The following VAV3 variants were observed in gnomAD, a reference collection of about 807,000 sequenced individuals.
The protein encoded by VAV3 is guanine nucleotide exchange factor VAV3.
VAV3 carries 94 observed loss-of-function variants against 131.2 expected under a neutral mutation model. The ratio of observed to expected loss-of-function variants is 0.72; its 90% CI spans 0.61 to 0.85. VAV3 has a LOEUF of 0.85. Among genes scored for constraint, VAV3 ranks in the 40% least tolerant of loss-of-function variants. The pLI is 0.00. For missense variants in VAV3, 939 were observed against 1,002.7 expected (o/e 0.94, Z 0.86); for synonymous variants, 349 against 342.0 (o/e 1.02, Z -0.22).
At position 107,602,433 on chromosome 1, in the gene VAV3, A is replaced by T; in HGVS notation, c.2184T>A (p.Phe728Leu). 1 of 1,574,722 alleles carries T rather than the reference A, an allele frequency of 6.4e-7. No homozygotes were observed. Among genetic ancestry groups the T allele is most frequent in the Admixed American group, 2.0e-5 (1 of 50,386 alleles). ...TAAATTTTCTATTTTCTGCAATGTGAAAAAAGCCATCTCTTGTTAAAATCT... is the reference window on the plus strand; with the variant it reads ...TAAATTTTCTATTTTCTGCAATGTGTAAAAAGCCATCTCTTGTTAAAATCT... Reference protein sequence around the residue: ...HIKILTRDGFFHIAENRKFKS... With the variant: ...HIKILTRDGFLHIAENRKFKS... The change falls in exon 24 of 27, where the codon TTT becomes TTA. Residue 728 changes from phenylalanine to leucine, a missense_variant. Physicochemically the swap from Phe to Leu is conservative, Grantham distance 22 (BLOSUM62 0). Transcript: ENST00000370056.
intron 19 of VAV3, chr1:107,668,968 T>C: frequency 1.0e-6 from 1 of 992,152 alleles, no homozygotes; most frequent in Non-Finnish European, 1.2e-6. Context: ...TCTTTCGCGA[T>C]ACGGGTGTGG....
chr1:107,818,820 A>T (rs1667667793), intron 2 of VAV3, among the ~76,000 whole-genome samples: 1 of 152,190 alleles, frequency 6.6e-6, no homozygotes, highest in African/African-American at 2.4e-5. Context: ...TCCCCCCACC[A>T]GGTCCAGCCC....
chr1:107,606,959 T>C (rs200175624), intron 22 of VAV3, among the ~76,000 whole-genome samples: 1 of 1,214 alleles, frequency 8.2e-4, no homozygotes, highest in African/African-American at 5.7e-3. Flanking sequence ...GAGTCTGATC[T>C]TTTTTTTTTT....
intron 1 of VAV3, among the ~76,000 whole-genome samples, chr1:107,930,568 G>A (rs1016721852): frequency 2.6e-5 from 4 of 152,026 alleles, no homozygotes; most frequent in Non-Finnish European, 5.9e-5. Flanking sequence ...TTACCTAGTC[G>A]ATAAGAAAAG....
chr1:107,768,565 A>G lies in VAV3; in HGVS notation c.649-56T>C. The G allele has an allele frequency of 1.4e-6, 2 of 1,417,606 alleles. 1 individual carries two copies. 87.8% of individuals were successfully genotyped at this position (1,417,606 alleles called of 1,614,324 possible). A position where few individuals can be genotyped will look rare whatever the true frequency, so the allele number is the denominator to read the frequency against. On this transcript the variant is annotated intron_variant, in intron 6 of 26. Coordinates refer to ENST00000370056, the MANE Select transcript of VAV3 (RefSeq NM_006113.5). The stretch of plus-strand genomic sequence containing the variant: ...AAGTATAACTTGTCCTAATCTATAT[A>G]ATAGTTTTTCATCAACAAACAACAA...
intron 19 of VAV3, among the ~76,000 whole-genome samples, chr1:107,664,128 A>C (rs1190637251): frequency 1.3e-5 from 2 of 152,060 alleles, no homozygotes; most frequent in African/African-American, 2.4e-5. Flanking sequence ...CTATTACATA[A>C]TGTTTTCTAA....
chr1:107,776,566 G>A (rs1009133024), intron 4 of VAV3, among the ~76,000 whole-genome samples: 17 of 152,156 alleles, frequency 1.1e-4, no homozygotes, highest in Admixed American at 6.5e-5. Context: ...GGGTGTATGA[G>A]GAAGGATAGA....
chr1:107,903,924 C>T (rs1283062463), intron 1 of VAV3, among the ~76,000 whole-genome samples: 2 of 152,136 alleles, frequency 1.3e-5, no homozygotes, highest in Admixed American at 1.3e-4. Flanking sequence ...CCCTCTGCCG[C>T]CTGCCTCATA....
At chr1:107,786,557 G>C (rs1226189844) in intron 2 of VAV3, among the ~76,000 whole-genome samples, 1 of 152,172 alleles carries the variant, frequency 6.6e-6, no homozygotes, top group Non-Finnish European at 1.5e-5. Flanking sequence ...ATAGAAGAAT[G>C]TCCTATACTT....
At chr1:107,852,948 G>A (rs1041201024) in intron 2 of VAV3, among the ~76,000 whole-genome samples, 8 of 151,596 alleles carry the variant, frequency 5.3e-5, no homozygotes, top group African/African-American at 1.9e-4. Flanking sequence ...TATTTTCATA[G>A]GAAAGAAAAG....
rs144438163 is a variant in VAV3 at position 107,786,453 on chromosome 1, G to A, written c.322-6961C>T. On this transcript the variant is annotated intron_variant, in intron 2 of 26. Coordinates refer to ENST00000370056, the MANE Select transcript of VAV3 (RefSeq NM_006113.5). ...AAGATGATCAAGGCTCTGTGCCTTA[G>A]TTCCCTTACCTACGAAATTACAATT... Among the ~76,000 whole-genome samples the A allele has an allele frequency of 1.3e-4, 20 of 152,338 alleles. No individual in the cohort carries two copies. In the East Asian group the frequency reaches 2.3e-3, roughly 18 times the overall value.
At chr1:107,766,352 T>C (rs1419089757) in intron 8 of VAV3, 95 bp downstream of exon 8, 3 of 771,176 alleles carry the variant, frequency 3.9e-6, no homozygotes, top group South Asian at 1.8e-5. Context: ...AGTAATGTAA[T>C]AAACAGCAGT....
intron 26 of VAV3, among the ~76,000 whole-genome samples, chr1:107,573,684 C>T (rs1019699068): frequency 6.6e-6 from 1 of 152,172 alleles, no homozygotes; most frequent in Non-Finnish European, 1.5e-5. Context: ...GACAGAGGTA[C>T]TATGTCCCAT....
At position 107,766,258 on chromosome 1, in the gene VAV3, C is replaced by CT. The variant is rs571360755; in HGVS notation, c.821+188dup. Among the ~76,000 whole-genome samples, 16 of 152,132 alleles carry CT rather than the reference C, an allele frequency of 1.1e-4. No homozygotes were observed. The South Asian group carries it at 2.9e-3, about 28-fold the overall frequency. On this transcript the variant is annotated intron_variant, in intron 8 of 26. Transcript: ENST00000370056. ...CTTCCCCCTCCTCCTTCTTCTTCTTCTTTTTTTCTTTTTTAATTACATATA... is the reference window on the plus strand; with the variant it reads ...CTTCCCCCTCCTCCTTCTTCTTCTTCTTTTTTTTCTTTTTTAATTACATATA...
chr1:107,803,202 T>C (rs556700668), intron 2 of VAV3, among the ~76,000 whole-genome samples: 2 of 152,128 alleles, frequency 1.3e-5, no homozygotes, highest in Admixed American at 1.3e-4. Flanking sequence ...TTGTTTCTGA[T>C]TGTATTCATT....
chr1:107,710,631 T>G (rs141327582), intron 15 of VAV3, among the ~76,000 whole-genome samples: 143 of 152,308 alleles, frequency 9.4e-4, no homozygotes, highest in African/African-American at 3.4e-3. Flanking sequence ...CATCCTTCTA[T>G]TAACCTCTAT....
intron 1 of VAV3, among the ~76,000 whole-genome samples, chr1:107,934,595 C>G (rs1189595771): frequency 6.6e-6 from 1 of 152,058 alleles, no homozygotes; most frequent in African/African-American, 2.4e-5. Context: ...ATAGTTCTAA[C>G]CAAAAAAGTA....
At position 107,616,034 on chromosome 1, in the gene VAV3, C is replaced by T. The variant is rs145555574; in HGVS notation, c.1980+1533G>A. Among the ~76,000 whole-genome samples, 716 of 152,264 alleles carry T rather than the reference C, an allele frequency of 4.7e-3. 5 individuals carry two copies. Among genetic ancestry groups the T allele is most frequent in the African/African-American group, 0.016 (664 of 41,556 alleles). ...AAAGTAATTCAGCCTTTGTGGAAAGCAGTGTGACAATTTCTCAAGGAACTT... is the reference window on the plus strand; with the variant it reads ...AAAGTAATTCAGCCTTTGTGGAAAGTAGTGTGACAATTTCTCAAGGAACTT... On this transcript the variant is annotated intron_variant, in intron 21 of 26. Coordinates refer to ENST00000370056, the MANE Select transcript of VAV3 (RefSeq NM_006113.5).
chr1:107,581,063 C>T (rs1410403), intron 25 of VAV3, among the ~76,000 whole-genome samples: 111,883 of 152,150 alleles, frequency 0.74, 41,398 homozygotes, highest in Middle Eastern at 0.82. Context: ...ACATTATAGA[C>T]AACCTACCTG....
Sources: gnomAD v4.1 joint callset for allele counts (sites outside exome capture counted in the v4.1 genomes callset) on GRCh38, gnomAD v4.1.1 for gene constraint, MANE v1.5 for transcripts, NCBI Gene and HGNC (gene_info 2026-07-23, HGNC 2026-07-21) for gene names.